TENT5B: variants seen among roughly 807,000 people sequenced by gnomAD.
The protein encoded by TENT5B is terminal nucleotidyltransferase 5B, also known as family with sequence similarity 46 member B.
TENT5B carries 12 observed loss-of-function variants against 21.7 expected under a neutral mutation model. That is an observed-to-expected ratio of 0.55 (90% CI 0.36 to 0.90). The LOEUF is 0.90. TENT5B is among the 40% of genes least tolerant of loss of function. The pLI is 0.01. For missense variants in TENT5B, 540 were observed against 601.5 expected, an observed-to-expected ratio of 0.90 and a Z score of 1.07; for synonymous variants, 262 against 266.6, an observed-to-expected ratio of 0.98 and a Z score of 0.17.
At chr1:27,011,061 G>A (rs2082621590) in intron 1 of TENT5B, among the ~76,000 whole-genome samples, 1 of 152,204 alleles carries the variant, frequency 6.6e-6, no homozygotes, top group Admixed American at 6.5e-5. Context: ...TGGAGGTGCA[G>A]CAGCTGGGGC....
intron 1 of TENT5B, among the ~76,000 whole-genome samples, chr1:27,010,065 C>T (rs1012814218): frequency 6.6e-5 from 10 of 152,228 alleles, no homozygotes; most frequent in African/African-American, 2.4e-4. Context: ...CGCCGTCAGC[C>T]AGCAGGCTTA....
chr1:27,011,392 A>G (rs2124208420), intron 1 of TENT5B, among the ~76,000 whole-genome samples: 1 of 152,250 alleles, frequency 6.6e-6, no homozygotes, highest in East Asian at 1.9e-4. Context: ...TTCTTTTATC[A>G]AAGGACCCTC....
chr1:27,008,384 G>T (rs2082610183), intron 1 of TENT5B, among the ~76,000 whole-genome samples: 1 of 152,190 alleles, frequency 6.6e-6, no homozygotes, highest in Non-Finnish European at 1.5e-5. Flanking sequence ...AGCTGTGGTG[G>T]GGCAATCAGA....
At chr1:27,010,426 G>A (rs1004082243) in intron 1 of TENT5B, among the ~76,000 whole-genome samples, 4 of 129,048 alleles carry the variant, frequency 3.1e-5, no homozygotes, top group African/African-American at 8.7e-5. Flanking sequence ...CCCTCTCCCC[G>A]CCCCCATCCC....
rs1217401034 is a variant in TENT5B, at chr1:27,006,079, G to T, written c.1143C>A (p.Gly381=). 6.2e-7 allele frequency: 1 copy of T among 1,610,436 alleles called. No homozygotes were observed. The highest frequency in any genetic ancestry group is 1.7e-5 in the Admixed American group (1 of 59,866). The change falls in exon 2 of 2, where the codon GGC becomes GGA. Residue 381 remains glycine (G), a synonymous_variant. Transcript: ENST00000289166. This position sits in a 1 kb window ranked among gnomAD's most constrained non-coding sequence, Gnocchi z 9.4. ...ALALQALAEQ[G]PAATAALAWR... ...AGGCCAGGGCGGCAGTGGCAGCTGG[G>T]CCCTGCTCAGCCAGTGCCTGCAGCG...
chr1:27,008,857 T>G (rs1200797712), intron 1 of TENT5B, among the ~76,000 whole-genome samples: 2 of 150,792 alleles, frequency 1.3e-5, no homozygotes, highest in African/African-American at 4.8e-5. Context: ...CTGCCGCAGC[T>G]TCCCGAAGTA....
chr1:27,008,614 CTTTTTT>C (rs994667195), intron 1 of TENT5B, among the ~76,000 whole-genome samples: 2 of 146,902 alleles, frequency 1.4e-5, no homozygotes, highest in East Asian at 3.9e-4. Context: ...GGACAGGTGT[CTTTTTT>C]TTTTTGAGTC....
Position 27,006,558 on chromosome 1 carries a change from T to A in TENT5B, c.664A>T (p.Ile222Phe). 1 of 1,614,144 alleles carries A rather than the reference T, an allele frequency of 6.2e-7. No individual in the cohort carries two copies. Among genetic ancestry groups the A allele is most frequent in the Non-Finnish European group, 8.5e-7 (1 of 1,180,010 alleles). Residue 222 changes from isoleucine (I) to phenylalanine (F), a missense_variant, in exon 2 of 2, where the codon ATC becomes TTC. By Grantham distance (21) the Ile-to-Phe change is conservative. Coordinates refer to ENST00000289166, the MANE Select transcript of TENT5B (RefSeq NM_052943.4). The surrounding 1 kb of genome is among the most constrained non-coding windows in gnomAD (Gnocchi z 9.4). ...FEFSIDSFQI[I>F]LDSLLLFGQC... ...CCAAAGAGCAACAGGGAGTCCAGGA[T>A]GATCTGGAAGGAGTCTATGCTGAAT...
At position 27,012,745 on chromosome 1, in the gene TENT5B, G is replaced by A. The variant is rs2082630868; in HGVS notation, c.-75C>T. On this transcript the variant is annotated 5_prime_UTR_variant, in exon 1 of 2. Transcript: ENST00000289166. Reference sequence around the variant, plus strand: ...GGAGGAGGACAGGGAGAGCGGCTGGGCAGGGGCCAAGGCGGGGGGCACGAA... The same window carrying A: ...GGAGGAGGACAGGGAGAGCGGCTGGACAGGGGCCAAGGCGGGGGGCACGAA... The A allele has an allele frequency of 2.2e-6, 3 of 1,390,840 alleles. No homozygotes were observed. Among genetic ancestry groups the A allele is most frequent in the African/African-American group, 3.1e-5 (2 of 65,146 alleles). The allele number at this position is 1,390,840 out of a possible 1,614,324, so 86.2% of individuals were successfully genotyped here.
intron 1 of TENT5B, among the ~76,000 whole-genome samples, 159 bp downstream of exon 1, chr1:27,012,248 G>T (rs1448703953): frequency 6.6e-6 from 1 of 152,160 alleles, no homozygotes; most frequent in Non-Finnish European, 1.5e-5. Context: ...GCAGGGGGAG[G>T]TCTGGTCTAC....
In TENT5B at chr1:27,012,530, C is replaced by T. The variant is rs1175281098; in HGVS notation, c.141G>A (p.Arg47=). The change falls in exon 1 of 2, where the codon CGG becomes CGA. Residue 47 remains arginine (R), a synonymous_variant. Transcript: ENST00000289166. ...DPEALSAFPG[R]HLSGLSWPQV... ...GTGGCCAGCTCAGCCCACTCAGGTG[C>T]CGTCCGGGGAAGGCCGATAAGGCCT... 1 of 1,603,870 alleles carries T rather than the reference C, an allele frequency of 6.2e-7. No homozygotes were observed. The highest frequency in any genetic ancestry group is 8.5e-7 in the Non-Finnish European group (1 of 1,178,794).
At position 27,012,445 on chromosome 1, in the gene TENT5B, A is replaced by G. The variant is rs2082628542; in HGVS notation, c.226T>C (p.Phe76Leu). 6.8e-6 allele frequency: 11 copies of G among 1,613,072 alleles called. No individual in the cohort carries two copies. Among genetic ancestry groups the G allele is most frequent in the Non-Finnish European group, 7.6e-6 (9 of 1,179,872 alleles). The change falls in exon 1 of 2, where the codon TTC becomes CTC. Residue 76 changes from phenylalanine to leucine, a missense_variant. Phe to Leu is a conservative substitution (Grantham distance 22). Transcript: ENST00000289166. ...CGGGGCTGCACGCTCAGCGTGGGGA[A>G]GTTGCCGCGCCCGTGAATGGGAATC... ...EPIPIHGRGN[F>L]PTLSVQPRQI...
At chr1:27,007,930 G>A (rs2082608495) in intron 1 of TENT5B, among the ~76,000 whole-genome samples, 1 of 152,136 alleles carries the variant, frequency 6.6e-6, no homozygotes, top group African/African-American at 2.4e-5. Flanking sequence ...CAGGTTAGTT[G>A]GGATTCTCAA....
chr1:27,009,197 G>A lies in TENT5B; in HGVS notation c.265-2240C>T, dbSNP rs78544530. On this transcript the variant is annotated intron_variant, in intron 1 of 1. Coordinates refer to ENST00000289166, the MANE Select transcript of TENT5B (RefSeq NM_052943.4). Reference sequence around the variant, plus strand: ...TTGCCCAGGCTGGTCTCGAACTCCCGGACTCAAGCTATTCCCCTGCCTCAG... The same window carrying A: ...TTGCCCAGGCTGGTCTCGAACTCCCAGACTCAAGCTATTCCCCTGCCTCAG... 1.9e-3 allele frequency among the ~76,000 whole-genome samples: 280 copies of A among 151,172 alleles called. 1 individual carries two copies. In the East Asian group the frequency reaches 0.028, roughly 15 times the overall value.
chr1:27,006,929 C>A lies in TENT5B; in HGVS notation c.293G>T (p.Gly98Val). Residue 98 changes from glycine to valine, a missense_variant, in exon 2 of 2, where the codon GGA (glycine) becomes GTA (valine). By Grantham distance (109) the Gly-to-Val change is moderately radical. Coordinates refer to ENST00000289166, the MANE Select transcript of TENT5B (RefSeq NM_052943.4). This position sits in a 1 kb window ranked among gnomAD's most constrained non-coding sequence, Gnocchi z 9.4. ...CAGCCGCACACTGTGCACATGTAGT[C>A]CCTGCTCCTCCAGGGTGCTGCGGAC... ...QVVRSTLEEQ[G>V]LHVHSVRLHG... is the part of the protein sequence containing the mutation. The A allele has an allele frequency of 6.3e-7, 1 of 1,599,452 alleles. No individual in the cohort carries two copies. The highest frequency in any genetic ancestry group is 1.1e-5 in the South Asian group (1 of 89,658).
At chr1:27,009,967 G>A (rs548403168) in intron 1 of TENT5B, among the ~76,000 whole-genome samples, 1 of 152,296 alleles carries the variant, frequency 6.6e-6, no homozygotes, top group South Asian at 2.1e-4. Flanking sequence ...GGGGGCAGTG[G>A]CTGCACCCTC....
Position 27,012,630 on chromosome 1 carries a change from G to C in TENT5B, c.41C>G (p.Ala14Gly). The change falls in exon 1 of 2, where the codon GCG (alanine) becomes GGG (glycine). Residue 14 changes from alanine to glycine, a missense_variant. Coordinates refer to ENST00000289166, the MANE Select transcript of TENT5B (RefSeq NM_052943.4). The part of the protein sequence containing the change: ...SESGAERRDR[A>G]AAQVGTAAAT... ...CGCAGCCGTCCCCACCTGAGCAGCC[G>C]CCCGGTCCCTGCGCTCAGCTCCGCT... is the stretch of plus-strand genomic sequence containing the variant. The C allele has an allele frequency of 6.6e-7, 1 of 1,511,978 alleles. No homozygotes were observed. Among genetic ancestry groups the C allele is most frequent in the Non-Finnish European group, 8.8e-7 (1 of 1,139,096 alleles). 93.7% of individuals were successfully genotyped at this position (1,511,978 alleles called of 1,614,324 possible).
At chr1:27,010,612 G>A (rs925429414) in intron 1 of TENT5B, among the ~76,000 whole-genome samples, 3 of 152,136 alleles carry the variant, frequency 2.0e-5, no homozygotes, top group Non-Finnish European at 2.9e-5. Flanking sequence ...TTGAACAGAT[G>A]GGGACACTGA....
At chr1:27,008,005 G>T (rs887419071) in intron 1 of TENT5B, among the ~76,000 whole-genome samples, 39 of 152,016 alleles carry the variant, frequency 2.6e-4, no homozygotes, top group Non-Finnish European at 7.4e-5. Flanking sequence ...GACCCAGTGA[G>T]GCAAAAATTA....
Sources: allele counts gnomAD v4.1 joint callset (sites outside exome capture counted in the v4.1 genomes callset), GRCh38; gene constraint gnomAD v4.1.1; non-coding constraint Gnocchi (gnomAD v3.1); transcripts MANE v1.5; gene names NCBI Gene and HGNC (gene_info 2026-07-23, HGNC 2026-07-21).